Variants in AACS observed in about 807,000 individuals in gnomAD.
The protein encoded by AACS is acetoacetate-CoA ligase.
A neutral mutation model predicts 83.1 loss-of-function variants in AACS; 69 were observed. The observed-to-expected ratio is 0.83, with a 90% CI of 0.68 to 1.01. The LOEUF is 1.01. Ranked by LOEUF, AACS falls within the 50% of genes least tolerant of loss-of-function variation. AACS has a pLI of 0.00. For synonymous variants in AACS, 333 were observed against 343.4 expected (o/e 0.97, Z 0.33); for missense variants, 866 against 882.2 (o/e 0.98, Z 0.23).
At chr12:125,088,691 A>G (rs1956395024) in intron 4 of AACS, among the ~76,000 whole-genome samples, 1 of 152,208 alleles carries the variant, frequency 6.6e-6, no homozygotes, top group African/African-American at 2.4e-5. Flanking sequence ...CTTTTGAAGC[A>G]AACGTTTCTG....
intron 16 of AACS, chr12:125,136,044 C>G (rs1163631342): frequency 6.5e-6 from 1 of 152,890 alleles, no homozygotes; most frequent in African/African-American, 2.4e-5. Flanking sequence ...CTGTGCCCGG[C>G]CACCTGCCTC....
chr12:125,104,296 G>A (rs938021561), intron 7 of AACS, among the ~76,000 whole-genome samples: 3 of 152,188 alleles, frequency 2.0e-5, no homozygotes, highest in African/African-American at 7.2e-5. Flanking sequence ...TACCAGCCAC[G>A]GGGACCAGAG....
At chr12:125,104,019 A>AAG (rs1491061742) in intron 7 of AACS, among the ~76,000 whole-genome samples, 9 of 144,110 alleles carry the variant, frequency 6.2e-5, no homozygotes, top group Non-Finnish European at 1.5e-5. Context: ...AAAAAAAAAA[A>AAG]GAATCTTCAT....
intron 7 of AACS, among the ~76,000 whole-genome samples, chr12:125,104,547 G>A (rs1956791558): frequency 6.6e-6 from 1 of 152,192 alleles, no homozygotes; most frequent in African/African-American, 2.4e-5. Flanking sequence ...GGGCCTGGGT[G>A]CTTCCCTGTA....
chr12:125,099,527 G>A (rs979905353), intron 5 of AACS, among the ~76,000 whole-genome samples: 1 of 152,190 alleles, frequency 6.6e-6, no homozygotes, highest in East Asian at 1.9e-4. Flanking sequence ...GAGGCCACAT[G>A]CTTCAGCTTA....
chr12:125,072,892 A>C lies in AACS; in HGVS notation c.134-984A>C, dbSNP rs193184730. On this transcript the variant is annotated intron_variant, in intron 1 of 17. Transcript: ENST00000316519. ...AGTTAGACTGTTGTGGAATAAAAGG[A>C]GGGAGACCTTTTACCATGTAACTTT... 1.7e-3 allele frequency among the ~76,000 whole-genome samples: 248 copies of C among 143,218 alleles called. No homozygotes were observed. In the Middle Eastern group the frequency reaches 0.023, roughly 13 times the overall value. 94.0% of individuals were successfully genotyped at this position (143,218 alleles called of 152,430 possible).
rs768751594 is a variant in AACS at position 125,102,589 on chromosome 12, A to G, written c.571-90A>G. On this transcript the variant is annotated intron_variant, in intron 5 of 17. Transcript: ENST00000316519. ...AAGCAATCCTCCCACCTCAGCCTCC[A>G]GAGTAGCTGGGACTACAGGCACCCA... The G allele has an allele frequency of 3.5e-5, 38 of 1,073,354 alleles. 1 individual carries two copies. Among genetic ancestry groups the G allele is most frequent in the Non-Finnish European group, 4.9e-5 (34 of 694,504 alleles). 66.5% of individuals were successfully genotyped at this position (1,073,354 alleles called of 1,614,324 possible).
intron 7 of AACS, among the ~76,000 whole-genome samples, chr12:125,104,021 A>AAAAAATT: frequency 7.1e-6 from 1 of 140,742 alleles, no homozygotes; most frequent in Non-Finnish European, 1.5e-5. Context: ...AAAAAAAAAG[A>AAAAAATT]ATCTTCATTT....
At chr12:125,086,085 C>G (rs1041981750) in intron 3 of AACS, among the ~76,000 whole-genome samples, 1 of 152,200 alleles carries the variant, frequency 6.6e-6, no homozygotes, top group African/African-American at 2.4e-5. Context: ...GCCCCTGCAC[C>G]GGGCCTAATA....
In AACS at chr12:125,142,273, G is replaced by A. The variant is rs777391285; in HGVS notation, c.*44G>A. The A allele has an allele frequency of 1.3e-6, 2 of 1,595,976 alleles. No homozygotes were observed. Among genetic ancestry groups the A allele is most frequent in the Non-Finnish European group, 8.6e-7 (1 of 1,168,932 alleles). ...TCACTCAGCCGCACCCGTGTGCACT[G>A]TAACTTTTGTGTGCTCAAGAAATTA... On this transcript the variant is annotated 3_prime_UTR_variant, in exon 18 of 18. Transcript: ENST00000316519.
intron 3 of AACS, among the ~76,000 whole-genome samples, chr12:125,081,404 A>G (rs10734917): frequency 0.33 from 50,696 of 152,030 alleles, 8,692 homozygotes; most frequent in African/African-American, 0.39. Flanking sequence ...TACTTAAGCA[A>G]GGGCCTAAGC....
At chr12:125,098,406 T>A (rs1272995387) in intron 5 of AACS, among the ~76,000 whole-genome samples, 1 of 142,558 alleles carries the variant, frequency 7.0e-6, no homozygotes, top group Non-Finnish European at 1.5e-5. Flanking sequence ...AAAAAAAAAA[T>A]CCTTCAGTGA....
chr12:125,068,993 C>T (rs1160749842), intron 1 of AACS, among the ~76,000 whole-genome samples: 1 of 152,124 alleles, frequency 6.6e-6, no homozygotes, highest in African/African-American at 2.4e-5. Context: ...GCATGCAACA[C>T]CAAGCCCGGC....
intron 1 of AACS, among the ~76,000 whole-genome samples, chr12:125,071,407 CTT>C (rs1444492239): frequency 6.6e-6 from 1 of 152,194 alleles, no homozygotes; most frequent in East Asian, 1.9e-4. Context: ...CAGGTACTCA[CTT>C]TTCTCAGGAG....
chr12:125,098,882 G>T (rs564924673), intron 5 of AACS, among the ~76,000 whole-genome samples: 19 of 152,224 alleles, frequency 1.2e-4, no homozygotes, highest in Admixed American at 2.6e-4. Context: ...CAGATTTTGT[G>T]TGCAGCTGTT....
chr12:125,107,394 A>G, intron 8 of AACS, 126 bp downstream of exon 8: 2 of 1,291,096 alleles, frequency 1.5e-6, no homozygotes, highest in East Asian at 5.0e-5. Flanking sequence ...TCCAACGTGC[A>G]GCTTCTCTCC....
In AACS at chr12:125,134,063, T is replaced by C; in HGVS notation, c.1610T>C (p.Leu537Pro). Reference sequence around the variant, plus strand: ...CCCAAGACCGGGGGCATCGTCATGCTTGGCCGGAGGTAAGGGCTGCAGAGT... The same window carrying C: ...CCCAAGACCGGGGGCATCGTCATGCCTGGCCGGAGGTAAGGGCTGCAGAGT... Reference protein sequence around the residue: ...INPKTGGIVMLGRSDGTLNPN... With the variant: ...INPKTGGIVMPGRSDGTLNPN... The change falls in exon 15 of 18, where the codon CTT (leucine) becomes CCT (proline). Residue 537 changes from leucine (L) to proline (P), a missense_variant. By Grantham distance (98) the Leu-to-Pro change is moderately conservative. Coordinates refer to ENST00000316519, the MANE Select transcript of AACS (RefSeq NM_023928.5). 1 of 1,614,076 alleles carries C rather than the reference T, an allele frequency of 6.2e-7. No individual in the cohort carries two copies. Among genetic ancestry groups the C allele is most frequent in the Non-Finnish European group, 8.5e-7 (1 of 1,179,996 alleles).
chr12:125,134,166 C>A, intron 15 of AACS, 94 bp downstream of exon 15: 2 of 1,375,104 alleles, frequency 1.5e-6, no homozygotes, highest in Admixed American at 2.0e-5. Flanking sequence ...AAGTCAGTGA[C>A]CCCCTTCCTG....
chr12:125,098,853 G>A (rs1483166003), intron 5 of AACS, among the ~76,000 whole-genome samples: 1 of 152,320 alleles, frequency 6.6e-6, no homozygotes, highest in East Asian at 1.9e-4. Flanking sequence ...TGTTCTAGTG[G>A]TTTTTCTGGT....
Sources: allele counts gnomAD v4.1 joint callset (sites outside exome capture counted in the v4.1 genomes callset), GRCh38; gene constraint gnomAD v4.1.1; transcripts MANE v1.5; gene names NCBI Gene and HGNC (gene_info 2026-07-23, HGNC 2026-07-21).